Variants in PLCD4 observed in about 807,000 individuals in gnomAD.
PLCD4 encodes phospholipase C delta 4.
Under a neutral mutation model 90.2 loss-of-function variants are expected in PLCD4, and 63 were observed. The ratio of observed to expected loss-of-function variants is 0.70; its 90% CI spans 0.57 to 0.86. PLCD4 has a LOEUF of 0.86. Among genes scored for constraint, PLCD4 ranks in the 40% least tolerant of loss-of-function variants. The pLI, the probability that PLCD4 is intolerant of heterozygous loss-of-function variation, is 0.00. For missense variants in PLCD4, 830 were observed against 956.3 expected, an observed-to-expected ratio of 0.87 and a Z score of 1.74; for synonymous variants, 294 against 356.5, an observed-to-expected ratio of 0.82 and a Z score of 1.97.
intron 9 of PLCD4, 123 bp from the exon 10 acceptor site, chr2:218,632,013 T>C: frequency 9.8e-7 from 1 of 1,018,146 alleles, no homozygotes; most frequent in East Asian, 2.6e-5. Flanking sequence ...GCTAATCTCT[T>C]CCCTCGGGAA....
chr2:218,633,525 G>A (rs766962256), intron 10 of PLCD4, 80 bp from the exon 11 acceptor site: 163 of 1,507,958 alleles, frequency 1.1e-4, no homozygotes, highest in Non-Finnish European at 1.4e-4. Context: ...GTGGGCAGAG[G>A]TTTAGGTTGG....
intron 6 of PLCD4, among the ~76,000 whole-genome samples, chr2:218,625,184 C>G (rs550332000): frequency 1.4e-4 from 20 of 146,136 alleles, no homozygotes; most frequent in African/African-American, 4.8e-4. Context: ...GTGCAGAATC[C>G]AGTAAACATC....
intron 10 of PLCD4, chr2:218,633,301 T>A: frequency 1.5e-6 from 1 of 687,572 alleles, no homozygotes; most frequent in Non-Finnish European, 2.7e-6. Flanking sequence ...ACCCAGGATA[T>A]AACATAGAGC....
chr2:218,613,064 A>T (rs1344337208), intron 1 of PLCD4, among the ~76,000 whole-genome samples: 4 of 152,190 alleles, frequency 2.6e-5, no homozygotes, highest in Non-Finnish European at 5.9e-5. Flanking sequence ...TTCTTTTAAG[A>T]TGTGCACCAC....
chr2:218,632,018 C>A, intron 9 of PLCD4, 118 bp from the exon 10 acceptor site: 1 of 1,088,460 alleles, frequency 9.2e-7, no homozygotes, highest in Non-Finnish European at 1.3e-6. Context: ...TCTCTTCCCT[C>A]GGGAACTTCC....
intron 6 of PLCD4, among the ~76,000 whole-genome samples, chr2:218,626,472 C>T (rs966834082): frequency 5.3e-5 from 8 of 152,160 alleles, no homozygotes; most frequent in Non-Finnish European, 1.2e-4. Flanking sequence ...GGGTTCAAAT[C>T]CCAGCTTCTA....
intron 11 of PLCD4, 159 bp downstream of exon 11, chr2:218,633,920 T>G: frequency 1.7e-6 from 2 of 1,190,674 alleles, no homozygotes; most frequent in African/African-American, 1.5e-5. Context: ...GAGTTATGAA[T>G]AGTGGCTCAA....
chr2:218,628,435 T>G, intron 7 of PLCD4: 1 of 522,894 alleles, frequency 1.9e-6, no homozygotes, highest in East Asian at 2.9e-5. Flanking sequence ...AACTTCTCTT[T>G]CACAAGCTAT....
intron 10 of PLCD4, chr2:218,633,353 G>T: frequency 1.4e-6 from 1 of 703,410 alleles, no homozygotes; most frequent in Non-Finnish European, 2.6e-6. Flanking sequence ...AGCAGTACAT[G>T]CAGACCGCCT....
chr2:218,634,368 C>G lies in PLCD4; in HGVS notation c.1724-90C>G. On this transcript the variant is annotated intron_variant, in intron 12 of 15. Transcript: ENST00000450993. This position sits in a 1 kb window ranked among gnomAD's most constrained non-coding sequence, Gnocchi z 4.0. The stretch of plus-strand genomic sequence containing the variant: ...GTGGATATTACCAGCAGGTACCGTG[C>G]ACCCAGTACCTATCTTCTTAACTCC... 1 of 1,552,046 alleles carries G rather than the reference C, an allele frequency of 6.4e-7. No homozygotes were observed. The highest frequency in any genetic ancestry group is 1.2e-5 in the South Asian group (1 of 83,570).
chr2:218,631,745 T>C (rs1429769203), intron 9 of PLCD4, among the ~76,000 whole-genome samples: 1 of 151,428 alleles, frequency 6.6e-6, no homozygotes, highest in Non-Finnish European at 1.5e-5. Flanking sequence ...TGAGCTGAGA[T>C]TGCGCCACTG....
At chr2:218,620,703 G>A (rs568144109) in intron 4 of PLCD4, among the ~76,000 whole-genome samples, 367 of 151,168 alleles carry the variant, frequency 2.4e-3, no homozygotes, top group African/African-American at 8.6e-3. Context: ...GCAACAGAGC[G>A]AGACTCTGTC....
intron 1 of PLCD4, among the ~76,000 whole-genome samples, chr2:218,611,358 G>C (rs1013429673): frequency 6.6e-6 from 1 of 152,160 alleles, no homozygotes; most frequent in Admixed American, 6.5e-5. Flanking sequence ...AGGGTGTTCA[G>C]GCACTTGGGC....
intron 14 of PLCD4, 36 bp downstream of exon 14, chr2:218,635,967 G>A (rs1275039103): frequency 1.2e-6 from 2 of 1,613,554 alleles, no homozygotes. Context: ...GTGGGGGTAG[G>A]AGCATGATTA....
At chr2:218,633,448 T>C (rs748385605) in intron 10 of PLCD4, 157 bp from the exon 11 acceptor site, 2 of 884,278 alleles carry the variant, frequency 2.3e-6, no homozygotes, top group Non-Finnish European at 3.7e-6. Flanking sequence ...AGGCTCCTAT[T>C]TCCAAGCCTG....
In PLCD4 at chr2:218,628,212, G is replaced by T; in HGVS notation, c.956G>T (p.Ser319Ile). The change falls in exon 7 of 16, where the codon AGC becomes ATC. Residue 319 changes from serine (S) to isoleucine (I), a missense_variant. Physicochemically the swap from Ser to Ile is moderately radical, Grantham distance 142. Transcript: ENST00000450993. ...LVGDQLCGQS[S>I]VEGYIRALKR... ...GGGGACCAGCTTTGTGGCCAGAGCA[G>T]CGTCGAGGGATATATACGGTGCAGT... 1 of 1,613,954 alleles carries T rather than the reference G, an allele frequency of 6.2e-7. No homozygotes were observed. The highest frequency in any genetic ancestry group is 8.5e-7 in the Non-Finnish European group (1 of 1,179,848).
intron 1 of PLCD4, among the ~76,000 whole-genome samples, chr2:218,612,108 C>A (rs1695367597): frequency 6.6e-6 from 1 of 151,446 alleles, no homozygotes; most frequent in African/African-American, 2.4e-5. Flanking sequence ...CAGGGTTTCA[C>A]CATGTTGTCC....
chr2:218,629,627 AGAT>A lies in PLCD4; in HGVS notation c.1085_1087del (p.Asp362del). On this transcript the variant is annotated inframe_deletion, in exon 8 of 16. Coordinates refer to ENST00000450993, the MANE Select transcript of PLCD4 (RefSeq NM_032726.4). ...CCCTGACCTCCCGCATCCTGTTCAA[AGAT>A]GTCGTGGCCACAGTAGCACAGTATG... 1 of 1,613,688 alleles carries A rather than the reference AGAT, an allele frequency of 6.2e-7. No individual in the cohort carries two copies. The highest frequency in any genetic ancestry group is 1.3e-5 in the African/African-American group (1 of 74,962).
intron 9 of PLCD4, among the ~76,000 whole-genome samples, chr2:218,631,310 G>A (rs897386065): frequency 2.0e-5 from 3 of 151,980 alleles, no homozygotes; most frequent in Non-Finnish European, 4.4e-5. Flanking sequence ...GATTATAGGT[G>A]TGCACCACCA....
Sources: gnomAD v4.1 joint callset for allele counts (sites outside exome capture counted in the v4.1 genomes callset) on GRCh38, gnomAD v4.1.1 for gene constraint, Gnocchi (gnomAD v3.1) non-coding constraint, MANE v1.5 for transcripts, NCBI Gene and HGNC (gene_info 2026-07-23, HGNC 2026-07-21) for gene names.